Variants in UBE3D observed in about 807,000 individuals in gnomAD.
UBE3D encodes the protein E3 ubiquitin-protein ligase E3D.
A neutral mutation model predicts 49.6 loss-of-function variants in UBE3D; 48 were observed. The observed-to-expected ratio is 0.97, with a 90% CI of 0.77 to 1.23. UBE3D has a LOEUF of 1.23. UBE3D is among the 50% of genes most tolerant of loss of function. The pLI is 0.00. For missense variants in UBE3D, 452 were observed against 468.4 expected (o/e 0.96, Z 0.32); for synonymous variants, 189 against 174.2 (o/e 1.08, Z -0.67).
At chr6:83,006,095 C>T (rs1468014934) in intron 8 of UBE3D, among the ~76,000 whole-genome samples, 1 of 152,132 alleles carries the variant, frequency 6.6e-6, no homozygotes, top group Admixed American at 6.5e-5. Flanking sequence ...CATGATGGCT[C>T]ACGCCTGTAA....
At chr6:82,896,905 T>A (rs1407570374) in intron 9 of UBE3D, among the ~76,000 whole-genome samples, 1 of 151,926 alleles carries the variant, frequency 6.6e-6, no homozygotes, top group Non-Finnish European at 1.5e-5. Flanking sequence ...CCATGCCGGC[T>A]AATTTTTGTA....
At chr6:82,886,163 C>T in the UBE3D span, among the ~76,000 whole-genome samples, 1 of 152,194 alleles carries the variant, frequency 6.6e-6, no homozygotes, top group African/African-American at 2.4e-5. Flanking sequence ...TGTGGCAAAA[C>T]CACAGGTGGT....
At chr6:82,951,101 G>T (rs545113144) in intron 9 of UBE3D, among the ~76,000 whole-genome samples, 1 of 152,092 alleles carries the variant, frequency 6.6e-6, no homozygotes, top group Non-Finnish European at 1.5e-5. Flanking sequence ...AACTAAAAGA[G>T]TATAAGTGGA....
chr6:82,922,263 TA>T, intron 9 of UBE3D, among the ~76,000 whole-genome samples: 1 of 152,178 alleles, frequency 6.6e-6, no homozygotes, highest in Non-Finnish European at 1.5e-5. Flanking sequence ...AATCAGCAGC[TA>T]AAAATTCTTC....
intron 8 of UBE3D, among the ~76,000 whole-genome samples, chr6:83,013,277 A>G (rs1780473881): frequency 6.6e-6 from 1 of 152,216 alleles, no homozygotes; most frequent in African/African-American, 2.4e-5. Flanking sequence ...GTAACAGGCT[A>G]AGACCTGTTT....
intron 8 of UBE3D, among the ~76,000 whole-genome samples, chr6:82,974,095 G>A (rs1372661719): frequency 6.6e-6 from 1 of 152,174 alleles, no homozygotes; most frequent in Non-Finnish European, 1.5e-5. Flanking sequence ...TTAGGTTGAT[G>A]CAAAAGTAAT....
chr6:83,038,621 T>C (rs993755928), intron 4 of UBE3D, 136 bp from the exon 5 acceptor site: 1 of 715,636 alleles, frequency 1.4e-6, no homozygotes, highest in South Asian at 1.9e-5. Context: ...GGAATACATT[T>C]AGCTTGTATG....
At chr6:82,964,266 C>T (rs1245311196) in intron 8 of UBE3D, among the ~76,000 whole-genome samples, 1 of 152,110 alleles carries the variant, frequency 6.6e-6, no homozygotes, top group East Asian at 1.9e-4. Context: ...TCAAACCAAT[C>T]AATATCAAGA....
intron 9 of UBE3D, among the ~76,000 whole-genome samples, chr6:82,942,234 C>T (rs1775068485): frequency 6.6e-6 from 1 of 152,172 alleles, no homozygotes; most frequent in South Asian, 2.1e-4. Flanking sequence ...AGCAAAGAGA[C>T]TGGAGGCATT....
At chr6:82,912,141 CCCTT>C (rs1772571544) in intron 9 of UBE3D, among the ~76,000 whole-genome samples, 1 of 152,130 alleles carries the variant, frequency 6.6e-6, no homozygotes, top group South Asian at 2.1e-4. Flanking sequence ...AGTCCTTCCT[CCCTT>C]CCCTCAAATG....
At chr6:82,959,551 G>GTA (rs1161954408) in intron 8 of UBE3D, among the ~76,000 whole-genome samples, 1 of 151,570 alleles carries the variant, frequency 6.6e-6, no homozygotes, top group African/African-American at 2.4e-5. Context: ...GTCATAATAA[G>GTA]CCCTTGATTT....
At chr6:82,958,522 T>A (rs1776326871) in intron 8 of UBE3D, among the ~76,000 whole-genome samples, 1 of 152,210 alleles carries the variant, frequency 6.6e-6, no homozygotes, top group Admixed American at 6.5e-5. Context: ...GGATTTTAAA[T>A]AATTTACAGA....
intron 9 of UBE3D, among the ~76,000 whole-genome samples, chr6:82,928,824 GAA>G (rs1773935358): frequency 6.6e-6 from 1 of 152,096 alleles, no homozygotes; most frequent in South Asian, 2.1e-4. Context: ...TTCTTCTAGG[GAA>G]AACAGCTGTA....
intron 9 of UBE3D, among the ~76,000 whole-genome samples, chr6:82,925,727 G>A (rs1386681745): frequency 6.6e-6 from 1 of 152,110 alleles, no homozygotes; most frequent in African/African-American, 2.4e-5. Flanking sequence ...TAGCCAGAGA[G>A]GATTTTGTTG....
intron 1 of UBE3D, 35 bp downstream of exon 1, chr6:83,065,607 G>C: frequency 1.2e-6 from 2 of 1,608,450 alleles, no homozygotes; most frequent in Non-Finnish European, 1.7e-6. Flanking sequence ...GCAGTAAAGC[G>C]AGCTGGGCAC....
chr6:82,927,754 G>A (rs1404945301), intron 9 of UBE3D, among the ~76,000 whole-genome samples: 2 of 145,398 alleles, frequency 1.4e-5, no homozygotes, highest in Non-Finnish European at 3.0e-5. Flanking sequence ...GTTTGGGAGG[G>A]TTTTTTTTTT....
At chr6:83,002,384 C>CA (rs1779690310) in intron 8 of UBE3D, among the ~76,000 whole-genome samples, 1 of 152,080 alleles carries the variant, frequency 6.6e-6, no homozygotes, top group Non-Finnish European at 1.5e-5. Flanking sequence ...GAGATTAGCA[C>CA]CTTTTAAAAG....
At chr6:83,022,582 T>C in intron 6 of UBE3D, 21 bp from the exon 7 acceptor site, 1 of 1,535,702 alleles carries the variant, frequency 6.5e-7, no homozygotes, top group East Asian at 2.4e-5. Context: ...AGAAATCAAT[T>C]TTTACAATGT....
intron 8 of UBE3D, among the ~76,000 whole-genome samples, chr6:82,970,778 G>A (rs1379851752): frequency 6.6e-6 from 1 of 152,126 alleles, no homozygotes; most frequent in African/African-American, 2.4e-5. Flanking sequence ...GGCAGAGATT[G>A]CAGTGAGTCA....
Sources: allele counts gnomAD v4.1 joint callset (sites outside exome capture counted in the v4.1 genomes callset), GRCh38; gene constraint gnomAD v4.1.1; transcripts MANE v1.5; gene names NCBI Gene and HGNC (gene_info 2026-07-23, HGNC 2026-07-21).